The following CDH13 variants were observed in gnomAD, a reference collection of about 807,000 sequenced individuals.
CDH13 encodes cadherin-13.
A neutral mutation model predicts 63.8 loss-of-function variants in CDH13; 24 were observed. The observed-to-expected ratio is 0.38, with a 90% CI of 0.27 to 0.53. CDH13 has a LOEUF of 0.53. Among genes scored for constraint, CDH13 ranks in the 20% least tolerant of loss-of-function variants. CDH13 has a pLI of 0.85. For missense variants in CDH13, 1,049 were observed against 903.1 expected (o/e 1.16, Z -2.07); for synonymous variants, 503 against 355.3 (o/e 1.42, Z -4.67).
chr16:83,073,352 TGTGAGAGAGAGAGA>T (rs771123361), intron 3 of CDH13, among the ~76,000 whole-genome samples: 15 of 125,224 alleles, frequency 1.2e-4, no homozygotes, highest in South Asian at 5.1e-4. Context: ...TGTGTGTGTG[TGTGAGAGAGAGAGA>T]GAGAGAGAGA....
intron 1 of CDH13, among the ~76,000 whole-genome samples, chr16:82,674,946 A>G (rs1002175047): frequency 6.6e-5 from 10 of 152,232 alleles, no homozygotes; most frequent in Non-Finnish European, 1.5e-4. Context: ...TCAAAAAGCT[A>G]TAATCTGTCA....
intron 7 of CDH13, among the ~76,000 whole-genome samples, chr16:83,504,877 A>T (rs970760680): frequency 1.3e-5 from 2 of 152,346 alleles, no homozygotes; most frequent in Non-Finnish European, 2.9e-5. Flanking sequence ...GTGTCCTGCC[A>T]GGTAAGTCTC....
chr16:82,988,963 C>T (rs185788059), intron 2 of CDH13, among the ~76,000 whole-genome samples: 1 of 151,978 alleles, frequency 6.6e-6, no homozygotes, highest in Non-Finnish European at 1.5e-5. Flanking sequence ...TTTTATATCT[C>T]CAGTGCCAAA....
chr16:82,867,214 C>T (rs1348502502), intron 2 of CDH13, among the ~76,000 whole-genome samples: 2 of 152,134 alleles, frequency 1.3e-5, no homozygotes, highest in Non-Finnish European at 2.9e-5. Context: ...TTGGTGGTGT[C>T]AAAATTTGAA....
At chr16:82,812,759 C>G (rs543472630) in intron 1 of CDH13, among the ~76,000 whole-genome samples, 15 of 152,052 alleles carry the variant, frequency 9.9e-5, no homozygotes, top group African/African-American at 3.6e-4. Flanking sequence ...GTAGAGAAAA[C>G]AAAGTTTTTT....
rs1411629990 is a variant in CDH13 at position 83,724,209 on chromosome 16, G to T, written c.1539-23899G>T. 2.4e-5 allele frequency among the ~76,000 whole-genome samples: 3 copies of T among 122,652 alleles called. No homozygotes were observed. The East Asian group carries it at 6.4e-4, about 26-fold the overall frequency. 80.5% of individuals were successfully genotyped at this position (122,652 alleles called of 152,430 possible). A position where few individuals can be genotyped will look rare whatever the true frequency, so the allele number is the denominator to read the frequency against. Reference sequence around the variant, plus strand: ...TGCATGGGTGGGTGATGAATGCATGGGTGGGTGATGAATGCATGGATGAAT... The same window carrying T: ...TGCATGGGTGGGTGATGAATGCATGTGTGGGTGATGAATGCATGGATGAAT... On this transcript the variant is annotated intron_variant, in intron 10 of 13. Coordinates refer to ENST00000567109, the MANE Select transcript of CDH13 (RefSeq NM_001257.5).
intron 4 of CDH13, among the ~76,000 whole-genome samples, chr16:83,189,488 A>G (rs1472400368): frequency 3.3e-5 from 5 of 152,228 alleles, no homozygotes; most frequent in African/African-American, 1.2e-4. Flanking sequence ...TGTGTTAGTC[A>G]GAACACAGAG....
intron 5 of CDH13, among the ~76,000 whole-genome samples, chr16:83,288,409 A>G (rs1047949390): frequency 4.6e-5 from 7 of 152,236 alleles, no homozygotes; most frequent in African/African-American, 1.7e-4. Flanking sequence ...CAAATTAGGC[A>G]TAAAGCCTAT....
chr16:83,487,502 G>T (rs892125161), intron 7 of CDH13, among the ~76,000 whole-genome samples: 15 of 152,182 alleles, frequency 9.9e-5, no homozygotes, highest in African/African-American at 2.9e-4. Context: ...GGGCCCCTCT[G>T]GTCCTGCCCT....
At chr16:82,796,705 A>G (rs530696301) in intron 1 of CDH13, among the ~76,000 whole-genome samples, 2 of 152,240 alleles carry the variant, frequency 1.3e-5, no homozygotes, top group Non-Finnish European at 2.9e-5. Flanking sequence ...GCCACCCAAG[A>G]TGGATTCTTG....
At chr16:83,231,609 C>T (rs2039999117) in intron 5 of CDH13, among the ~76,000 whole-genome samples, 1 of 152,154 alleles carries the variant, frequency 6.6e-6, no homozygotes, top group Non-Finnish European at 1.5e-5. Flanking sequence ...CCTGCAGGCC[C>T]ACTCCATTTT....
intron 1 of CDH13, among the ~76,000 whole-genome samples, chr16:82,776,397 G>C (rs1250662154): frequency 1.3e-5 from 2 of 152,180 alleles, no homozygotes; most frequent in Non-Finnish European, 2.9e-5. Flanking sequence ...GTGCAGAGTT[G>C]GTGGTCAATT....
intron 10 of CDH13, among the ~76,000 whole-genome samples, chr16:83,731,541 T>C (rs965264491): frequency 2.0e-5 from 3 of 152,238 alleles, no homozygotes; most frequent in Admixed American, 2.0e-4. Flanking sequence ...TTAAAGTTAC[T>C]TATAGATTCT....
At chr16:83,127,635 G>C (rs769998873) in intron 4 of CDH13, among the ~76,000 whole-genome samples, 7 of 152,314 alleles carry the variant, frequency 4.6e-5, no homozygotes, top group Non-Finnish European at 1.0e-4. Flanking sequence ...GCTGAGGCAA[G>C]AGAACCACTT....
chr16:82,918,460 C>G (rs144233832), intron 2 of CDH13, among the ~76,000 whole-genome samples: 3 of 150,360 alleles, frequency 2.0e-5, no homozygotes, highest in Non-Finnish European at 4.4e-5. Flanking sequence ...GAATAAGTTC[C>G]TAGAAATAGG....
intron 6 of CDH13, among the ~76,000 whole-genome samples, chr16:83,354,435 G>C (rs773806552): frequency 2.0e-4 from 30 of 152,272 alleles, no homozygotes; most frequent in Non-Finnish European, 3.7e-4. Flanking sequence ...TATTATAGGG[G>C]CTGGGGATAT....
chr16:83,318,873 A>G (rs1567588279), intron 5 of CDH13, among the ~76,000 whole-genome samples: 1 of 152,178 alleles, frequency 6.6e-6, no homozygotes. Context: ...ATCCTGTGCT[A>G]GATGCTAGAA....
Position 83,088,784 on chromosome 16 carries a change from A to AT in CDH13, c.367-36593dup, listed in dbSNP as rs968681457. The stretch of plus-strand genomic sequence containing the variant: ...AAGCAAATAAATGAGCTTTATGGTA[A>AT]TTTTTTTTGCCAGCATTTAGAAGCT... On this transcript the variant is annotated intron_variant, in intron 3 of 13. Coordinates refer to ENST00000567109, the MANE Select transcript of CDH13 (RefSeq NM_001257.5). Among the ~76,000 whole-genome samples the AT allele has an allele frequency of 7.9e-5, 12 of 151,974 alleles. 1 individual carries two copies. The highest frequency in any genetic ancestry group is 6.2e-4 in the South Asian group (3 of 4,818).
chr16:83,329,330 A>T (rs1247842469), intron 5 of CDH13, among the ~76,000 whole-genome samples: 1 of 151,830 alleles, frequency 6.6e-6, no homozygotes, highest in Admixed American at 6.6e-5. Flanking sequence ...GGTTCAAGTG[A>T]TTCTCCCACC....
Sources: allele counts gnomAD v4.1 joint callset (sites outside exome capture counted in the v4.1 genomes callset), GRCh38; gene constraint gnomAD v4.1.1; transcripts MANE v1.5; gene names NCBI Gene and HGNC (gene_info 2026-07-23, HGNC 2026-07-21).